The following CSNK2A1 variants were observed in gnomAD, a reference collection of about 807,000 sequenced individuals.
The protein encoded by CSNK2A1 is casein kinase II subunit alpha.
Under a neutral mutation model 62.9 loss-of-function variants are expected in CSNK2A1, and 10 were observed. That is an observed-to-expected ratio of 0.16 (90% CI 0.10 to 0.27). CSNK2A1 has a LOEUF of 0.27. Ranked by LOEUF, CSNK2A1 falls within the 10% of genes least tolerant of loss-of-function variation. The pLI is 1.00. For missense variants in CSNK2A1, 160 were observed against 492.0 expected, an observed-to-expected ratio of 0.33 and a Z score of 6.38; for synonymous variants, 124 against 167.8, an observed-to-expected ratio of 0.74 and a Z score of 2.02.
At chr20:534,567 G>A (rs1456771710) in intron 1 of CSNK2A1, among the ~76,000 whole-genome samples, 1 of 152,128 alleles carries the variant, frequency 6.6e-6, no homozygotes, top group African/African-American at 2.4e-5. Context: ...GACTCCAGAT[G>A]CAACAAAGCC....
At chr20:529,056 T>C (rs761654003) in intron 1 of CSNK2A1, among the ~76,000 whole-genome samples, 1 of 152,206 alleles carries the variant, frequency 6.6e-6, no homozygotes, top group Non-Finnish European at 1.5e-5. Flanking sequence ...ATGTTTGTTT[T>C]TAGAGACGAG....
intron 13 of CSNK2A1, 149 bp downstream of exon 13, chr20:486,227 C>T (rs1377898846): frequency 7.8e-6 from 6 of 772,818 alleles, no homozygotes; most frequent in South Asian, 4.0e-5. Flanking sequence ...TAAAGTATAC[C>T]AAATGTCAAG....
At chr20:489,503 G>A (rs1301424298) in intron 10 of CSNK2A1, 3 of 407,632 alleles carry the variant, frequency 7.4e-6, no homozygotes, top group Non-Finnish European at 1.3e-5. Context: ...CACCATATTG[G>A]AGATAAGGGT....
intron 1 of CSNK2A1, among the ~76,000 whole-genome samples, chr20:542,460 G>A (rs2019470436): frequency 6.6e-6 from 1 of 152,204 alleles, no homozygotes; most frequent in African/African-American, 2.4e-5. Context: ...TTGAGGCGGA[G>A]TCTCGCTCTG....
chr20:518,761 T>C (rs1385312709), intron 2 of CSNK2A1, among the ~76,000 whole-genome samples: 1 of 145,612 alleles, frequency 6.9e-6, no homozygotes, highest in African/African-American at 2.5e-5. Flanking sequence ...TTCACCGTGT[T>C]AGCCAGGACG....
At chr20:530,984 T>G (rs1013999956) in intron 1 of CSNK2A1, among the ~76,000 whole-genome samples, 1 of 152,056 alleles carries the variant, frequency 6.6e-6, no homozygotes, top group Non-Finnish European at 1.5e-5. Context: ...CTTGGGAGCC[T>G]GAGACAGGAG....
At chr20:509,719 G>GCA (rs1210443351) in intron 2 of CSNK2A1, among the ~76,000 whole-genome samples, 1 of 152,032 alleles carries the variant, frequency 6.6e-6, no homozygotes, top group Non-Finnish European at 1.5e-5. Context: ...GAGACTACAG[G>GCA]CACGCACCAC....
At chr20:537,466 T>C (rs1487808891) in intron 1 of CSNK2A1, among the ~76,000 whole-genome samples, 1 of 151,776 alleles carries the variant, frequency 6.6e-6, no homozygotes, top group Admixed American at 6.6e-5. Flanking sequence ...TTAAACTTTT[T>C]AAAAGACTCA....
chr20:538,595 AC>A (rs980037147), intron 1 of CSNK2A1, among the ~76,000 whole-genome samples: 4 of 152,070 alleles, frequency 2.6e-5, no homozygotes, highest in African/African-American at 7.2e-5. Flanking sequence ...AAAGCTAGAA[AC>A]TCCATTCTGT....
Position 497,660 on chromosome 20 carries a change from T to C in CSNK2A1, c.426+61A>G, listed in dbSNP as rs577408858. On this transcript the variant is annotated intron_variant, in intron 7 of 13. Coordinates refer to ENST00000217244, the MANE Select transcript of CSNK2A1 (RefSeq NM_177559.3). ...AATCTGCTGGCTTTTCTACCATCAA[T>C]TGACTATTTAACAAAAAGAAGACCA... is the stretch of plus-strand genomic sequence containing the variant. 56 of 1,387,840 alleles carry C rather than the reference T, an allele frequency of 4.0e-5. No individual in the cohort carries two copies. In the East Asian group the frequency reaches 5.5e-4, roughly 14 times the overall value. 86.0% of individuals were successfully genotyped at this position (1,387,840 alleles called of 1,614,324 possible).
chr20:485,116 ATATATATATATATAT>A (rs1242153823), intron 13 of CSNK2A1, among the ~76,000 whole-genome samples: 1 of 60,572 alleles, frequency 1.7e-5, no homozygotes, highest in East Asian at 5.8e-4. Context: ...AAAAATATAT[ATATATATATATATAT>A]ATATATGAGA....
intron 8 of CSNK2A1, chr20:494,203 T>C (rs2018299600): frequency 6.6e-6 from 1 of 151,984 alleles, no homozygotes; most frequent in African/African-American, 2.4e-5. Flanking sequence ...AATTTTTGTA[T>C]TTTTTTAGTA....
chr20:541,486 G>C (rs1291948955), intron 1 of CSNK2A1, among the ~76,000 whole-genome samples: 4 of 152,158 alleles, frequency 2.6e-5, no homozygotes, highest in Non-Finnish European at 5.9e-5. Flanking sequence ...GTGAAGTAAA[G>C]TATATATACA....
chr20:497,347 T>A (rs1438915716), intron 7 of CSNK2A1, among the ~76,000 whole-genome samples: 1 of 152,142 alleles, frequency 6.6e-6, no homozygotes, highest in Non-Finnish European at 1.5e-5. Context: ...AGGGTCTCAC[T>A]ATGTTGCTCA....
At position 533,150 on chromosome 20, in the gene CSNK2A1, T is replaced by TA. The variant is rs1448160012; in HGVS notation, c.-226-5102dup. ...AAAAAACAAAAAAATATCTAGCAAC[T>TA]AACTCCTTGGCAGTTCCCTTGACTC... On this transcript the variant is annotated intron_variant, in intron 1 of 13. Coordinates refer to ENST00000217244, the MANE Select transcript of CSNK2A1 (RefSeq NM_177559.3). 5.3e-5 allele frequency among the ~76,000 whole-genome samples: 8 copies of TA among 152,306 alleles called. No homozygotes were observed. The East Asian group carries it at 1.5e-3, about 29-fold the overall frequency.
At chr20:526,265 G>A (rs2019088163) in intron 2 of CSNK2A1, among the ~76,000 whole-genome samples, 1 of 152,034 alleles carries the variant, frequency 6.6e-6, no homozygotes, top group African/African-American at 2.4e-5. Context: ...GAGTCCAGGA[G>A]TTTGAGATCA....
chr20:493,896 T>C (rs1254264691), intron 8 of CSNK2A1, among the ~76,000 whole-genome samples: 2 of 152,232 alleles, frequency 1.3e-5, no homozygotes, highest in African/African-American at 4.8e-5. Flanking sequence ...ATGAGATCCA[T>C]CCAAGTTGTT....
intron 2 of CSNK2A1, among the ~76,000 whole-genome samples, chr20:523,007 T>C (rs1213605990): frequency 6.6e-6 from 1 of 152,136 alleles, no homozygotes; most frequent in Non-Finnish European, 1.5e-5. Context: ...CATATCACGG[T>C]TATGGCAAGA....
intron 2 of CSNK2A1, among the ~76,000 whole-genome samples, chr20:511,508 TC>T (rs1568536595): frequency 6.6e-6 from 1 of 152,174 alleles, no homozygotes; most frequent in Admixed American, 6.5e-5. Context: ...CTCCCCCAAC[TC>T]TTTGCAACCA....
Sources: allele counts gnomAD v4.1 joint callset (sites outside exome capture counted in the v4.1 genomes callset), GRCh38; gene constraint gnomAD v4.1.1; transcripts MANE v1.5; gene names NCBI Gene and HGNC (gene_info 2026-07-23, HGNC 2026-07-21).